The following DSCAM variants were observed in gnomAD, a reference collection of about 807,000 sequenced individuals.
DSCAM encodes cell adhesion molecule DSCAM.
In DSCAM, 47 loss-of-function variants were observed where a neutral mutation model predicts 217.7. That is an observed-to-expected ratio of 0.22 (90% CI 0.17 to 0.28). The LOEUF (loss-of-function observed/expected upper bound fraction) is 0.28, where lower values mean the gene tolerates loss of function less well. Ranked by LOEUF, DSCAM falls within the 10% of genes least tolerant of loss-of-function variation. DSCAM has a pLI of 1.00. For missense variants in DSCAM, 2,080 were observed against 2,618.3 expected (o/e 0.79, Z 4.49); for synonymous variants, 1,056 against 1,015.3 (o/e 1.04, Z -0.76).
chr21:40,304,911 C>A (rs1482601067), intron 9 of DSCAM, among the ~76,000 whole-genome samples: 1 of 152,066 alleles, frequency 6.6e-6, no homozygotes, highest in Admixed American at 6.6e-5. Flanking sequence ...TTACTGATTA[C>A]CAATCACCAT....
chr21:40,389,404 C>T (rs1280748647), intron 3 of DSCAM, among the ~76,000 whole-genome samples: 1 of 152,166 alleles, frequency 6.6e-6, no homozygotes, highest in Non-Finnish European at 1.5e-5. Flanking sequence ...TTAGTGGGCA[C>T]CACTTCTTTC....
intron 11 of DSCAM, among the ~76,000 whole-genome samples, chr21:40,248,638 A>G (rs575018762): frequency 4.7e-4 from 71 of 152,338 alleles, no homozygotes; most frequent in African/African-American, 1.7e-3. Flanking sequence ...AGGAAGTTCC[A>G]AACTTTCCCA....
At chr21:40,691,945 G>C (rs1389680246) in intron 3 of DSCAM, among the ~76,000 whole-genome samples, 1 of 152,198 alleles carries the variant, frequency 6.6e-6, no homozygotes, top group East Asian at 1.9e-4. Flanking sequence ...CTCTATAAAT[G>C]GATAAAATGT....
intron 3 of DSCAM, among the ~76,000 whole-genome samples, chr21:40,538,973 C>T (rs80105182): frequency 0.057 from 8,670 of 152,218 alleles, 411 homozygotes; most frequent in East Asian, 0.23. Context: ...AAGAGAAAAA[C>T]GTGTCCTTTA....
chr21:40,369,112 T>C lies in DSCAM; in HGVS notation c.642A>G (p.Arg214=). 6.2e-7 allele frequency: 1 copy of C among 1,610,018 alleles called. No homozygotes were observed. Among genetic ancestry groups the C allele is most frequent in the Non-Finnish European group, 8.5e-7 (1 of 1,178,448 alleles). ...TGETRQSNSA[R]LFVSDPANSA... ...ATAAGTTTTTACCTGATACAAAAAG[T>C]CTGGCGCTGTTGCTCTGCCTCGTCT... The change falls in exon 4 of 33, where the codon AGA becomes AGG. Residue 214 remains arginine (R), a synonymous_variant. Transcript: ENST00000400454.
At chr21:40,722,885 A>G (rs892121520) in intron 1 of DSCAM, among the ~76,000 whole-genome samples, 3 of 152,140 alleles carry the variant, frequency 2.0e-5, no homozygotes, top group Non-Finnish European at 4.4e-5. Flanking sequence ...ATTAATATCA[A>G]AGTAGATTTT....
At chr21:40,661,894 GTAAATAATA>G (rs1354071625) in intron 3 of DSCAM, among the ~76,000 whole-genome samples, 1 of 152,116 alleles carries the variant, frequency 6.6e-6, no homozygotes, top group Non-Finnish European at 1.5e-5. Context: ...GCAAATAAGT[GTAAATAATA>G]TAGTAAATTA....
intron 11 of DSCAM, among the ~76,000 whole-genome samples, chr21:40,224,075 G>A (rs1338479633): frequency 6.6e-6 from 1 of 152,166 alleles, no homozygotes; most frequent in Non-Finnish European, 1.5e-5. Flanking sequence ...TATGTACTAG[G>A]GAATTGAGAA....
intron 19 of DSCAM, among the ~76,000 whole-genome samples, chr21:40,130,148 G>C (rs2090140085): frequency 6.6e-6 from 1 of 152,190 alleles, no homozygotes; most frequent in Non-Finnish European, 1.5e-5. Flanking sequence ...GCTGAAACTA[G>C]CTTTTGCCTT....
Position 40,189,041 on chromosome 21 carries a change from C to T in DSCAM, c.2553+1G>A. 6.2e-7 allele frequency: 1 copy of T among 1,614,026 alleles called. No homozygotes were observed. The highest frequency in any genetic ancestry group is 8.5e-7 in the Non-Finnish European group (1 of 1,179,946). Reference sequence around the variant, plus strand: ...TTGTGTTGTATTTGCCATGCTTTTACCTGCAGAGTAGAAATCACCTCTTCT... The same window carrying T: ...TTGTGTTGTATTTGCCATGCTTTTATCTGCAGAGTAGAAATCACCTCTTCT... On this transcript the variant is annotated splice_donor_variant, in intron 12 of 32. Coordinates refer to ENST00000400454, the MANE Select transcript of DSCAM (RefSeq NM_001389.5). LOFTEE classifies it high-confidence loss of function.
At chr21:40,248,696 C>T (rs758450630) in intron 11 of DSCAM, among the ~76,000 whole-genome samples, 9 of 152,290 alleles carry the variant, frequency 5.9e-5, no homozygotes, top group Middle Eastern at 6.8e-3. Flanking sequence ...CAACCTCTGC[C>T]GGTTACCCAG....
At chr21:40,189,729 C>T (rs1184620938) in intron 11 of DSCAM, among the ~76,000 whole-genome samples, 2 of 152,202 alleles carry the variant, frequency 1.3e-5, no homozygotes, top group Non-Finnish European at 1.5e-5. Context: ...CACAAGTGCT[C>T]TCTCTTTGCC....
chr21:40,175,318 C>T (rs1185725949), intron 15 of DSCAM, among the ~76,000 whole-genome samples: 5 of 151,990 alleles, frequency 3.3e-5, no homozygotes, highest in Admixed American at 1.3e-4. Context: ...TTAGCCATGT[C>T]GGCCAGGCTG....
At chr21:40,253,794 C>T (rs111833204) in intron 11 of DSCAM, among the ~76,000 whole-genome samples, 4,573 of 152,332 alleles carry the variant, frequency 0.03, 216 homozygotes, top group African/African-American at 0.1. Flanking sequence ...TGCTCAGGAC[C>T]CTTCCGGATC....
intron 3 of DSCAM, among the ~76,000 whole-genome samples, chr21:40,526,569 G>A (rs563090855): frequency 2.6e-5 from 4 of 152,240 alleles, no homozygotes; most frequent in African/African-American, 9.6e-5. Context: ...CATGGTAGGT[G>A]AGGCCGGGGG....
chr21:40,636,289 C>T (rs142455493), intron 3 of DSCAM, among the ~76,000 whole-genome samples: 7 of 151,984 alleles, frequency 4.6e-5, no homozygotes, highest in Admixed American at 1.3e-4. Flanking sequence ...CTGTGGTTCT[C>T]GGGGGCTTAG....
chr21:40,108,488 C>G (rs2089850960), intron 20 of DSCAM, among the ~76,000 whole-genome samples: 1 of 152,052 alleles, frequency 6.6e-6, no homozygotes, highest in Non-Finnish European at 1.5e-5. Context: ...AACTACTGCT[C>G]AAAGAAATCA....
chr21:40,842,653 T>C (rs892780859), intron 1 of DSCAM, among the ~76,000 whole-genome samples: 2 of 152,300 alleles, frequency 1.3e-5, no homozygotes, highest in Middle Eastern at 3.4e-3. Flanking sequence ...CCGTGCACCT[T>C]ACTCCAGACA....
chr21:40,214,207 C>T (rs945917131), intron 11 of DSCAM, among the ~76,000 whole-genome samples: 1 of 152,228 alleles, frequency 6.6e-6, no homozygotes, highest in East Asian at 1.9e-4. Flanking sequence ...CTAGTCATAG[C>T]TATCAGCCAG....
Sources: allele counts gnomAD v4.1 joint callset (sites outside exome capture counted in the v4.1 genomes callset), GRCh38; gene constraint gnomAD v4.1.1; transcripts MANE v1.5; gene names NCBI Gene and HGNC (gene_info 2026-07-23, HGNC 2026-07-21).